The following AHCTF1 variants were observed in gnomAD, a reference collection of about 807,000 sequenced individuals.
AHCTF1 encodes the protein AT-hook containing transcription factor 1.
AHCTF1 carries 24 observed loss-of-function variants against 248.4 expected under a neutral mutation model. That is an observed-to-expected ratio of 0.10 (90% CI 0.07 to 0.14). The LOEUF is 0.14. AHCTF1 is among the 10% of genes least tolerant of loss of function. The pLI is 1.00. For missense variants in AHCTF1, 2,206 were observed against 2,636.2 expected (o/e 0.84, Z 3.57); for synonymous variants, 786 against 929.8 (o/e 0.85, Z 2.81).
intron 4 of AHCTF1, among the ~76,000 whole-genome samples, chr1:246,912,309 T>C (rs1323835593): frequency 6.6e-6 from 1 of 150,534 alleles, no homozygotes; most frequent in Non-Finnish European, 1.5e-5. Flanking sequence ...ACCCCATCTC[T>C]ACTAAAAAAA....
chr1:246,866,102 G>C (rs909522588), intron 26 of AHCTF1, among the ~76,000 whole-genome samples: 3 of 152,096 alleles, frequency 2.0e-5, no homozygotes, highest in Non-Finnish European at 2.9e-5. Flanking sequence ...AGGCTATACT[G>C]TCTACCCAGT....
rs750352407 is a variant in AHCTF1 at position 246,849,968 on chromosome 1, G to A, written c.6038C>T (p.Thr2013Ile). 3 of 1,613,938 alleles carry A rather than the reference G, an allele frequency of 1.9e-6. No individual in the cohort carries two copies. The highest frequency in any genetic ancestry group is 2.2e-5 in the South Asian group (2 of 91,068). Reference sequence around the variant, plus strand: ...ATCAACATTTTCACTTTTAGCTGGGGTATTTCTTGTAGATCTCCTTCTAAT... The same window carrying A: ...ATCAACATTTTCACTTTTAGCTGGGATATTTCTTGTAGATCTCCTTCTAAT... Reference protein sequence around the residue: ...PSIRRRSTRNTPAKSENVDVG... With the variant: ...PSIRRRSTRNIPAKSENVDVG... Residue 2013 changes from threonine to isoleucine, a missense_variant, in exon 33 of 36, where the codon ACC (threonine) becomes ATC (isoleucine). Around this residue, in one of 6 missense-constraint regions of AHCTF1, gnomAD observed 469 missense variants for 470.0 expected, o/e 1.00. Coordinates refer to ENST00000648844, the MANE Select transcript of AHCTF1 (RefSeq NM_001323342.2).
rs529444043 is a variant in AHCTF1, at chr1:246,866,418, C to A, written c.3347+826G>T. Among the ~76,000 whole-genome samples the A allele has an allele frequency of 4.6e-5, 7 of 152,148 alleles. No homozygotes were observed. In the South Asian group the frequency reaches 1.5e-3, roughly 32 times the overall value. ...CTTTCCATTTAAAATACCATCTTAC[C>A]AGAGTAAATAAAGGGAAACAACCTA... is the stretch of plus-strand genomic sequence containing the variant. On this transcript the variant is annotated intron_variant, in intron 26 of 35. Coordinates refer to ENST00000648844, the MANE Select transcript of AHCTF1 (RefSeq NM_001323342.2).
chr1:246,909,067 CTATA>C (rs750454838), intron 4 of AHCTF1, among the ~76,000 whole-genome samples: 1 of 137,018 alleles, frequency 7.3e-6, no homozygotes, highest in Non-Finnish European at 1.5e-5. Context: ...AATTCTATAT[CTATA>C]TATATCTATA....
intron 5 of AHCTF1, among the ~76,000 whole-genome samples, chr1:246,906,516 A>G (rs1665404269): frequency 6.6e-6 from 1 of 152,174 alleles, no homozygotes; most frequent in South Asian, 2.1e-4. Context: ...TGGGAAGTGG[A>G]GGTTGCAGTG....
intron 26 of AHCTF1, 54 bp from the exon 27 acceptor site, chr1:246,864,170 G>C (rs1426294283): frequency 1.3e-6 from 2 of 1,546,942 alleles, no homozygotes; most frequent in Non-Finnish European, 1.8e-6. Context: ...AAAGAATTTA[G>C]TATCCCATTT....
chr1:246,929,288 A>C (rs925870216), intron 1 of AHCTF1, among the ~76,000 whole-genome samples: 1 of 152,162 alleles, frequency 6.6e-6, no homozygotes, highest in Admixed American at 6.5e-5. Context: ...GCGTTCCTGT[A>C]GTCCCAGCTA....
At chr1:246,849,311 A>G (rs1660521316) in intron 33 of AHCTF1, among the ~76,000 whole-genome samples, 1 of 152,188 alleles carries the variant, frequency 6.6e-6, no homozygotes, top group South Asian at 2.1e-4. Context: ...AATATTGACT[A>G]TTTTGGAAGA....
chr1:246,909,736 T>C (rs962731259), intron 4 of AHCTF1, among the ~76,000 whole-genome samples: 2 of 152,214 alleles, frequency 1.3e-5, no homozygotes, highest in African/African-American at 4.8e-5. Flanking sequence ...GGTTCAGTAC[T>C]AGCTGTGGTT....
chr1:246,902,745 T>C lies in AHCTF1; in HGVS notation c.967-70A>G, dbSNP rs574277181. The C allele has an allele frequency of 8.7e-6, 12 of 1,386,134 alleles. No individual in the cohort carries two copies. The South Asian group carries it at 1.7e-4, about 20-fold the overall frequency. The allele number at this position is 1,386,134 out of a possible 1,614,324, so 85.9% of individuals were successfully genotyped here. A position where few individuals can be genotyped will look rare whatever the true frequency, so the allele number is the denominator to read the frequency against. ...AAAGTCACTCTAAAATTAAATATTCTCCAAATTTAAAGATTGTTCACACAA... is the reference window on the plus strand; with the variant it reads ...AAAGTCACTCTAAAATTAAATATTCCCCAAATTTAAAGATTGTTCACACAA... On this transcript the variant is annotated intron_variant, in intron 7 of 35. Coordinates refer to ENST00000648844, the MANE Select transcript of AHCTF1 (RefSeq NM_001323342.2).
chr1:246,931,889 G>C lies in AHCTF1; in HGVS notation c.-319C>G, dbSNP rs549555916. On this transcript the variant is annotated 5_prime_UTR_variant, in exon 1 of 36. Transcript: ENST00000648844. ...TCTGGGTCCTTCCCCTTGCAACGCT[G>C]CCTGCTCGCCTCGGACAGCGCCGGC... 2.0e-5 allele frequency: 3 copies of C among 152,810 alleles called. No individual in the cohort carries two copies. The South Asian group carries it at 6.2e-4, about 32-fold the overall frequency. 9.5% of individuals were successfully genotyped at this position (152,810 alleles called of 1,614,324 possible).
At chr1:246,894,104 T>G (rs1356717926) in intron 14 of AHCTF1, among the ~76,000 whole-genome samples, 1 of 152,022 alleles carries the variant, frequency 6.6e-6, no homozygotes, top group Admixed American at 6.6e-5. Flanking sequence ...CTCAGGAGGC[T>G]GAGGCAGGAG....
chr1:246,840,960 A>G lies in AHCTF1; in HGVS notation c.6647T>C (p.Ile2216Thr). ...CAAGGGGGAAATCAGCCGAATTTCT[A>G]TGGGAGGAGGTGACCAAGCACTTTC... ...EKESAWSPPPIEIRLISPLAS... is the reference protein window; with the variant it reads ...EKESAWSPPPTEIRLISPLAS... The change falls in exon 36 of 36, where the codon ATA (isoleucine) becomes ACA (threonine). Residue 2216 changes from isoleucine (I) to threonine (T), a missense_variant. By Grantham distance (89) the Ile-to-Thr change is moderately conservative. This residue lies in a region of AHCTF1 where 469 missense variants were observed against 470.0 expected (regional missense o/e 1.00). Transcript: ENST00000648844. The G allele has an allele frequency of 1.9e-6, 3 of 1,612,286 alleles. No individual in the cohort carries two copies. The highest frequency in any genetic ancestry group is 1.1e-5 in the South Asian group (1 of 90,552).
intron 4 of AHCTF1, among the ~76,000 whole-genome samples, chr1:246,912,533 T>G (rs1558273170): frequency 1.3e-5 from 2 of 151,650 alleles, no homozygotes; most frequent in Admixed American, 6.6e-5. Context: ...AAGTCAAAAT[T>G]TTTTCGGGTC....
At position 246,855,591 on chromosome 1, in the gene AHCTF1, G is replaced by A. The variant is rs1199581806; in HGVS notation, c.4354+139C>T. 4.6e-6 allele frequency: 3 copies of A among 652,136 alleles called. No homozygotes were observed. In the East Asian group the frequency reaches 8.6e-5, roughly 19 times the overall value. 40.4% of individuals were successfully genotyped at this position (652,136 alleles called of 1,614,324 possible). The stretch of plus-strand genomic sequence containing the variant: ...ATCTCCTTAGAATACTTCTACACCA[G>A]GAAAGCTGACCAGAGAGAGGAATAA... On this transcript the variant is annotated intron_variant, in intron 31 of 35. Coordinates refer to ENST00000648844, the MANE Select transcript of AHCTF1 (RefSeq NM_001323342.2).
At chr1:246,861,813 C>T in intron 28 of AHCTF1, 146 bp downstream of exon 28, 1 of 743,436 alleles carries the variant, frequency 1.3e-6, no homozygotes, top group Non-Finnish European at 2.1e-6. Flanking sequence ...CAGAACTAAC[C>T]TTTTCTTATT....
At chr1:246,928,440 A>G (rs897733155) in intron 1 of AHCTF1, among the ~76,000 whole-genome samples, 5 of 152,202 alleles carry the variant, frequency 3.3e-5, no homozygotes, top group African/African-American at 9.6e-5. Context: ...AACAGGTCCT[A>G]AATGTAATAA....
At chr1:246,875,914 A>T (rs1466776596) in intron 24 of AHCTF1, 123 bp downstream of exon 24, 2 of 900,758 alleles carry the variant, frequency 2.2e-6, no homozygotes, top group East Asian at 5.5e-5. Context: ...AACCAGCAAT[A>T]TCTCCAAGGC....
At chr1:246,902,362 T>C (rs1367427131) in intron 8 of AHCTF1, among the ~76,000 whole-genome samples, 163 bp downstream of exon 8, 1 of 152,216 alleles carries the variant, frequency 6.6e-6, no homozygotes, top group African/African-American at 2.4e-5. Context: ...CATAGCAATC[T>C]GGAGAGCAAG....
Sources: gnomAD v4.1 joint callset for allele counts (sites outside exome capture counted in the v4.1 genomes callset) on GRCh38, gnomAD v4.1.1 for gene constraint, gnomAD v4.1.1 regional missense constraint, MANE v1.5 for transcripts, NCBI Gene and HGNC (gene_info 2026-07-23, HGNC 2026-07-21) for gene names.